VWA2: variants seen among roughly 807,000 people sequenced by gnomAD.
VWA2 encodes the protein von Willebrand factor A domain containing 2, also known as von Willebrand factor A domain-containing protein 2.
A neutral mutation model predicts 70.4 loss-of-function variants in VWA2; 73 were observed. That is an observed-to-expected ratio of 1.04 (90% CI 0.86 to 1.26). The LOEUF is 1.26. VWA2 is among the 50% of genes most tolerant of loss of function. The probability of loss-of-function intolerance (pLI) is 0.00; values close to 1 mark genes in which losing one functional copy is unlikely to be tolerated. For missense variants in VWA2, 1,011 were observed against 998.5 expected (o/e 1.01, Z -0.17); for synonymous variants, 407 against 423.3 (o/e 0.96, Z 0.47).
intron 6 of VWA2, among the ~76,000 whole-genome samples, chr10:114,274,148 G>A (rs913137640): frequency 4.6e-5 from 7 of 152,206 alleles, no homozygotes; most frequent in Non-Finnish European, 7.3e-5. Context: ...AGGGAGGGGC[G>A]GAAGCCCAGC....
intron 8 of VWA2, 143 bp downstream of exon 8, chr10:114,278,994 C>A: frequency 7.7e-7 from 1 of 1,298,938 alleles, no homozygotes; most frequent in Non-Finnish European, 1.1e-6. Flanking sequence ...AGGGACGTAG[C>A]CATGGGAGAA....
Position 114,283,172 on chromosome 10 carries a change from G to A in VWA2, c.889+601G>A, listed in dbSNP as rs552359807. ...TGGGAGCTTGAAATTGCCCTTCAAT[G>A]TGTAGGTGTCAGTCCTGGGGTGGAT... On this transcript the variant is annotated intron_variant, in intron 9 of 13. Transcript: ENST00000392982. Among the ~76,000 whole-genome samples the A allele has an allele frequency of 4.6e-5, 7 of 152,340 alleles. No individual in the cohort carries two copies. In the South Asian group the frequency reaches 1.4e-3, roughly 32 times the overall value.
At chr10:114,253,588 T>G in intron 2 of VWA2, 63 bp from the exon 3 acceptor site, 2 of 1,421,258 alleles carry the variant, frequency 1.4e-6, no homozygotes, top group Non-Finnish European at 2.0e-6. Context: ...TCACTTAATG[T>G]GGAGATTGAG....
At chr10:114,287,350 GTT>G (rs1335186895) in intron 11 of VWA2, among the ~76,000 whole-genome samples, 10 of 152,148 alleles carry the variant, frequency 6.6e-5, no homozygotes, top group Non-Finnish European at 1.2e-4. Flanking sequence ...CCAGCTAATT[GTT>G]TTATTTTTTA....
rs1313637692 is a variant in VWA2, at chr10:114,289,998, A to T, written c.2123-242A>T. 3 of 361,818 alleles carry T rather than the reference A, an allele frequency of 8.3e-6. No homozygotes were observed. In the East Asian group the frequency reaches 1.5e-4, roughly 18 times the overall value. 22.4% of individuals were successfully genotyped at this position (361,818 alleles called of 1,614,324 possible). Reference sequence around the variant, plus strand: ...CAAGAGCAAGATTCTGCCTCAAAAAAAAAAAAAAAAAAGTCTGCCATGTGT... The same window carrying T: ...CAAGAGCAAGATTCTGCCTCAAAAATAAAAAAAAAAAAGTCTGCCATGTGT... On this transcript the variant is annotated intron_variant, in intron 12 of 13. Transcript: ENST00000392982.
Position 114,246,538 on chromosome 10 carries a change from G to A in VWA2, c.-10-2166G>A, listed in dbSNP as rs1564711783. On this transcript the variant is annotated intron_variant, in intron 1 of 13. Coordinates refer to ENST00000392982, the MANE Select transcript of VWA2 (RefSeq NM_001272046.2). ...AAAAAAAAAAAAACGAGTATCATGG[G>A]TTGAATTCACATTCCCTGACTGTAA... The A allele has an allele frequency of 6.9e-5, 59 of 850,962 alleles. 1 individual carries two copies. The South Asian group carries it at 9.0e-4, about 13-fold the overall frequency. 52.7% of individuals were successfully genotyped at this position (850,962 alleles called of 1,614,324 possible). A position where few individuals can be genotyped will look rare whatever the true frequency, so the allele number is the denominator to read the frequency against.
intron 4 of VWA2, among the ~76,000 whole-genome samples, chr10:114,257,150 G>A (rs1361021065): frequency 6.6e-6 from 1 of 152,010 alleles, no homozygotes; most frequent in Non-Finnish European, 1.5e-5. Context: ...CTGGACCTTA[G>A]ACCACCTTGC....
At chr10:114,263,596 C>T (rs1264116018) in intron 5 of VWA2, among the ~76,000 whole-genome samples, 1 of 152,028 alleles carries the variant, frequency 6.6e-6, no homozygotes, top group African/African-American at 2.4e-5. Context: ...CTTGGCTTCC[C>T]AGAGTGCTGG....
At position 114,254,904 on chromosome 10, in the gene VWA2, G is replaced by C. The variant is rs367549388; in HGVS notation, c.128-11G>C. 1.2e-6 allele frequency: 2 copies of C among 1,611,534 alleles called. No homozygotes were observed. The highest frequency in any genetic ancestry group is 2.7e-5 in the African/African-American group (2 of 74,872). On this transcript the variant is annotated splice_polypyrimidine_tract_variant and intron_variant, in intron 3 of 13. Transcript: ENST00000392982. ...CTCCTGGTTGTCATCTGTCTGTCCC[G>C]CTCTCCCTAGTGATGTGGTGCTCGG...
chr10:114,253,559 T>C (rs1477558615), intron 2 of VWA2, 92 bp from the exon 3 acceptor site: 3 of 1,094,286 alleles, frequency 2.7e-6, no homozygotes, highest in Non-Finnish European at 2.7e-6. Context: ...GTTTCTCTGA[T>C]GTTACCTGTT....
In VWA2 at chr10:114,281,525, G is replaced by A. The variant is rs571920439; in HGVS notation, c.834-991G>A. On this transcript the variant is annotated intron_variant, in intron 8 of 13. Coordinates refer to ENST00000392982, the MANE Select transcript of VWA2 (RefSeq NM_001272046.2). ...TCTCTTCAGGTAGCTGTGGTTCATG[G>A]AACACCAGCAGGTGGAAGCCACCCA... Among the ~76,000 whole-genome samples the A allele has an allele frequency of 5.3e-5, 8 of 152,362 alleles. No individual in the cohort carries two copies. In the South Asian group the frequency reaches 1.7e-3, roughly 32 times the overall value.
At chr10:114,248,959 T>C (rs2037136069) in intron 2 of VWA2, among the ~76,000 whole-genome samples, 194 bp downstream of exon 2, 1 of 152,094 alleles carries the variant, frequency 6.6e-6, no homozygotes, top group Non-Finnish European at 1.5e-5. Context: ...CTGGCCTCCC[T>C]GGGTCCCCCG....
chr10:114,239,656 G>GCC (rs1479170218), intron 1 of VWA2, 87 bp downstream of exon 1: 1 of 152,374 alleles, frequency 6.6e-6, no homozygotes, highest in Non-Finnish European at 1.5e-5. Flanking sequence ...CGGTACTGGG[G>GCC]CCCCCTCTGC....
chr10:114,255,504 T>G (rs2037307076), intron 4 of VWA2, among the ~76,000 whole-genome samples: 1 of 152,142 alleles, frequency 6.6e-6, no homozygotes, highest in Admixed American at 6.5e-5. Flanking sequence ...GCCATGTTTT[T>G]GGGGTAGGGA....
Position 114,289,424 on chromosome 10 carries a change from TC to T in VWA2, c.2059del (p.His687ThrfsTer36). The part of the protein sequence containing the change: ...RRLAGPRDSL[I>X]HVAAYADLRY... ...CTTGCAGGTCCCCGGGATTCCCTGA[TC>T]CACGTGGCAGCTTACGCCGACCTGC... is the stretch of plus-strand genomic sequence containing the variant. On this transcript the variant is annotated frameshift_variant, in exon 12 of 14. Coordinates refer to ENST00000392982, the MANE Select transcript of VWA2 (RefSeq NM_001272046.2). LOFTEE classifies it high-confidence loss of function. The T allele has an allele frequency of 7.4e-6, 12 of 1,614,188 alleles. No homozygotes were observed. The highest frequency in any genetic ancestry group is 1.0e-5 in the Non-Finnish European group (12 of 1,180,024).
chr10:114,257,583 T>G (rs1412407264), intron 4 of VWA2, among the ~76,000 whole-genome samples: 1 of 152,194 alleles, frequency 6.6e-6, no homozygotes, highest in Non-Finnish European at 1.5e-5. Context: ...GAACTGGGGC[T>G]TTTGACTCAG....
In VWA2 at chr10:114,288,939, G is replaced by C; in HGVS notation, c.1572G>C (p.Gly524=). 3 of 1,602,910 alleles carry C rather than the reference G, an allele frequency of 1.9e-6. No homozygotes were observed. Among genetic ancestry groups the C allele is most frequent in the Non-Finnish European group, 2.6e-6 (3 of 1,173,622 alleles). Residue 524 remains glycine (G), a splice_region_variant and synonymous_variant, in exon 12 of 14, where the codon GGG becomes GGC. Transcript: ENST00000392982. ...AAGCCCCTCTGCTTGCTCCTGCAGG[G>C]TGCCGGACACAAGCCCTGGACCTCG... ...QGKLCSRQRP[G]CRTQALDLVF...
At chr10:114,285,853 C>CCCAGG in intron 10 of VWA2, 86 bp from the exon 11 acceptor site, 2 of 1,350,484 alleles carry the variant, frequency 1.5e-6, no homozygotes, top group Non-Finnish European at 2.0e-6. Flanking sequence ...CATCTCCCTC[C>CCCAGG]TGGGAGATGT....
intron 6 of VWA2, among the ~76,000 whole-genome samples, chr10:114,277,484 C>T (rs930966512): frequency 9.2e-5 from 14 of 152,088 alleles, no homozygotes; most frequent in Non-Finnish European, 1.3e-4. Context: ...ACCCCCCCTC[C>T]GACTGTGTGT....
Sources: allele counts gnomAD v4.1 joint callset (sites outside exome capture counted in the v4.1 genomes callset), GRCh38; gene constraint gnomAD v4.1.1; transcripts MANE v1.5; gene names NCBI Gene and HGNC (gene_info 2026-07-23, HGNC 2026-07-21).